Variants in EVC observed in about 807,000 individuals in gnomAD.
EVC encodes the protein evC complex member EVC.
A neutral mutation model predicts 118.9 loss-of-function variants in EVC; 116 were observed. That is an observed-to-expected ratio of 0.98 (90% CI 0.84 to 1.14). The LOEUF (loss-of-function observed/expected upper bound fraction) is 1.14, where lower values mean the gene tolerates loss of function less well. EVC is among the 50% of genes most tolerant of loss of function. The pLI is 0.00. For missense variants in EVC, 1,401 were observed against 1,246.4 expected, an observed-to-expected ratio of 1.12 and a Z score of -1.87; for synonymous variants, 619 against 534.7, an observed-to-expected ratio of 1.16 and a Z score of -2.18.
At chr4:5,758,247 A>C in intron 11 of EVC, 1 of 638,606 alleles carries the variant, frequency 1.6e-6, no homozygotes, top group Non-Finnish European at 2.8e-6. Flanking sequence ...GGCTCTGCCA[A>C]CACCTTGGTT....
At chr4:5,821,957 A>C in the EVC span, 2 of 868,922 alleles carry the variant, frequency 2.3e-6, no homozygotes, top group South Asian at 1.9e-5. The surrounding 1 kb of genome is among the most constrained non-coding windows in gnomAD (Gnocchi z 4.4). Context: ...ACCCACCTTC[A>C]TTCAGGGCTC....
chr4:5,793,799 G>A lies in EVC; in HGVS notation c.1886+82G>A, dbSNP rs918776622. ...GCCTCAGTGTCCTCATCTGTACAGT[G>A]GGCACGCTGACTGCCCCTCAGCTTC... On this transcript the variant is annotated intron_variant, in intron 13 of 20. Coordinates refer to ENST00000264956, the MANE Select transcript of EVC (RefSeq NM_153717.3). The A allele has an allele frequency of 2.7e-6, 3 of 1,091,732 alleles. No individual in the cohort carries two copies. The African/African-American group carries it at 4.6e-5, about 17-fold the overall frequency. The allele number at this position is 1,091,732 out of a possible 1,614,324, so 67.6% of individuals were successfully genotyped here.
chr4:5,793,663 A>G lies in EVC; in HGVS notation c.1832A>G (p.Asp611Gly). The G allele has an allele frequency of 3.9e-6, 6 of 1,553,014 alleles. No individual in the cohort carries two copies. The highest frequency in any genetic ancestry group is 5.2e-6 in the Non-Finnish European group (6 of 1,148,072). ...SSVLQTHLREDHEGTIRGVLG... is the reference protein window; with the variant it reads ...SSVLQTHLREGHEGTIRGVLG... ...GTGCTGCAGACACACCTGCGGGAGG[A>G]CCACGAGGGCACCATCCGCGGCGTC... Residue 611 changes from aspartate (D) to glycine (G), a missense_variant, in exon 13 of 21, where the codon GAC (aspartate) becomes GGC (glycine). Transcript: ENST00000264956.
Position 5,798,525 on chromosome 4 carries a change from T to A in EVC, c.2098-61T>A. 1 of 1,520,378 alleles carries A rather than the reference T, an allele frequency of 6.6e-7. No individual in the cohort carries two copies. The highest frequency in any genetic ancestry group is 8.9e-7 in the Non-Finnish European group (1 of 1,120,908). 94.2% of individuals were successfully genotyped at this position (1,520,378 alleles called of 1,614,324 possible). A position where few individuals can be genotyped will look rare whatever the true frequency, so the allele number is the denominator to read the frequency against. On this transcript the variant is annotated intron_variant, in intron 14 of 20. Coordinates refer to ENST00000264956, the MANE Select transcript of EVC (RefSeq NM_153717.3). The surrounding 1 kb of genome is among the most constrained non-coding windows in gnomAD (Gnocchi z 4.1). ...TAGGACCAGCCCCACATCCCAGTCC[T>A]GGCCAGAGCTTCTCTGTGAGAGGAG...
At chr4:5,773,624 G>A (rs3856956) in intron 11 of EVC, among the ~76,000 whole-genome samples, 1,790 of 152,248 alleles carry the variant, frequency 0.012, 47 homozygotes, top group African/African-American at 0.04. Context: ...GCGCTGAGCT[G>A]CCGGGGTGTT....
rs116232230 is a variant in EVC, at chr4:5,789,622, T to C, written c.1777-3986T>C. 0.012 allele frequency among the ~76,000 whole-genome samples: 1,759 copies of C among 151,876 alleles called. 20 individuals carry two copies. The highest frequency in any genetic ancestry group is 0.019 in the Non-Finnish European group (1,258 of 67,964). ...ATACATGAGAGTTTGAAACAAAGAG[T>C]AAAACTTACTTGAGGCCACAAAATG... On this transcript the variant is annotated intron_variant, in intron 12 of 20. Coordinates refer to ENST00000264956, the MANE Select transcript of EVC (RefSeq NM_153717.3). This position sits in a 1 kb window ranked among gnomAD's most constrained non-coding sequence, Gnocchi z 4.3.
intron 8 of EVC, among the ~76,000 whole-genome samples, chr4:5,750,838 G>C (rs1730236084): frequency 1.3e-5 from 2 of 152,090 alleles, no homozygotes; most frequent in Admixed American, 6.6e-5. Context: ...TATAGAAGAG[G>C]GATGGATTCA....
At chr4:5,767,114 C>G (rs1733003163) in intron 11 of EVC, among the ~76,000 whole-genome samples, 1 of 151,338 alleles carries the variant, frequency 6.6e-6, no homozygotes, top group Non-Finnish European at 1.5e-5. Context: ...AGTTTTCCTT[C>G]TAACAGACAG....
At chr4:5,740,502 A>G (rs531238956) in intron 5 of EVC, among the ~76,000 whole-genome samples, 2 of 152,012 alleles carry the variant, frequency 1.3e-5, no homozygotes, top group African/African-American at 2.4e-5. Flanking sequence ...AAGAAAAAAT[A>G]TAAGAGAAAT....
At chr4:5,761,360 C>A (rs191931581) in intron 11 of EVC, among the ~76,000 whole-genome samples, 1 of 151,992 alleles carries the variant, frequency 6.6e-6, no homozygotes, top group Admixed American at 6.6e-5. Context: ...ATGACTGAAG[C>A]AGGTGTCACA....
chr4:5,720,530 C>T (rs1415739055), intron 2 of EVC, among the ~76,000 whole-genome samples: 2 of 152,300 alleles, frequency 1.3e-5, no homozygotes, highest in South Asian at 2.1e-4. Flanking sequence ...CTTAGCTTAC[C>T]ACAGAAGAAA....
At position 5,719,235 on chromosome 4, in the gene EVC, C is replaced by T; in HGVS notation, c.175-13C>T. 1 of 1,614,130 alleles carries T rather than the reference C, an allele frequency of 6.2e-7. No individual in the cohort carries two copies. The highest frequency in any genetic ancestry group is 2.2e-5 in the East Asian group (1 of 44,882). On this transcript the variant is annotated splice_polypyrimidine_tract_variant and intron_variant, in intron 1 of 20. Coordinates refer to ENST00000264956, the MANE Select transcript of EVC (RefSeq NM_153717.3). The surrounding 1 kb of genome is among the most constrained non-coding windows in gnomAD (Gnocchi z 4.7). ...TTTCTATCCACCCCCAACTCCTGAC[C>T]TTCGGGTTTTAGAAAGACGACACTC...
chr4:5,745,582 A>T (rs1164503236), intron 7 of EVC, among the ~76,000 whole-genome samples: 1 of 152,154 alleles, frequency 6.6e-6, no homozygotes, highest in African/African-American at 2.4e-5. Context: ...TAAATTTCAG[A>T]TTGGTCTTTT....
At position 5,804,852 on chromosome 4, in the gene EVC, A is replaced by C. The variant is rs1715607757; in HGVS notation, c.2561+11A>C. 6 of 1,608,268 alleles carry C rather than the reference A, an allele frequency of 3.7e-6. No individual in the cohort carries two copies. The Middle Eastern group carries it at 8.4e-4, about 224-fold the overall frequency. ...GGCGGTCCACCAGAGGTGAGGTCCC[A>C]ACTGAGGTCCCACGTAGGGCTGTTC... On this transcript the variant is annotated intron_variant, in intron 17 of 20. Coordinates refer to ENST00000264956, the MANE Select transcript of EVC (RefSeq NM_153717.3).
At chr4:5,800,673 G>T (rs1714809023) in intron 15 of EVC, among the ~76,000 whole-genome samples, 1 of 152,198 alleles carries the variant, frequency 6.6e-6, no homozygotes, top group African/African-American at 2.4e-5. Flanking sequence ...CCGACAGGAA[G>T]TGTAAGGCTG....
intron 8 of EVC, among the ~76,000 whole-genome samples, chr4:5,750,494 G>A (rs1730183565): frequency 6.6e-6 from 1 of 152,168 alleles, no homozygotes; most frequent in Non-Finnish European, 1.5e-5. Context: ...ATATTGCAGA[G>A]GTTAGGAATG....
chr4:5,816,607 C>T (rs561682821), downstream of EVC, among the ~76,000 whole-genome samples: 79 of 149,364 alleles, frequency 5.3e-4, no homozygotes, highest in Non-Finnish European at 9.5e-4. Flanking sequence ...TTCCTTACCC[C>T]CTCTGTCCTT....
intron 11 of EVC, among the ~76,000 whole-genome samples, chr4:5,781,564 C>G (rs989984778): frequency 6.6e-6 from 1 of 152,040 alleles, no homozygotes; most frequent in Non-Finnish European, 1.5e-5. Flanking sequence ...GGGCTGGGCG[C>G]GGTGGCCCAC....
intron 11 of EVC, among the ~76,000 whole-genome samples, chr4:5,767,285 A>G (rs1265781993): frequency 1.0e-4 from 15 of 150,312 alleles, no homozygotes; most frequent in African/African-American, 3.4e-4. Context: ...ATGCTGGGAG[A>G]ACCACTGCTC....
Sources: allele counts gnomAD v4.1 joint callset (sites outside exome capture counted in the v4.1 genomes callset), GRCh38; gene constraint gnomAD v4.1.1; non-coding constraint Gnocchi (gnomAD v3.1); transcripts MANE v1.5; gene names NCBI Gene and HGNC (gene_info 2026-07-23, HGNC 2026-07-21).